Variants in ADAMTS6 observed in about 807,000 individuals in gnomAD.
The protein encoded by ADAMTS6 is A disintegrin and metalloproteinase with thrombospondin motifs 6.
A neutral mutation model predicts 144.3 loss-of-function variants in ADAMTS6; 23 were observed. That is an observed-to-expected ratio of 0.16 (90% CI 0.11 to 0.23). The LOEUF is 0.23. ADAMTS6 is among the 10% of genes least tolerant of loss of function. The probability of loss-of-function intolerance (pLI) is 1.00; values close to 1 mark genes in which losing one functional copy is unlikely to be tolerated. For missense variants in ADAMTS6, 999 were observed against 1,379.6 expected, an observed-to-expected ratio of 0.72 and a Z score of 4.37; for synonymous variants, 444 against 457.5, an observed-to-expected ratio of 0.97 and a Z score of 0.38.
At chr5:65,421,016 A>C (rs559229394) in intron 7 of ADAMTS6, among the ~76,000 whole-genome samples, 16 of 152,236 alleles carry the variant, frequency 1.1e-4, no homozygotes, top group Non-Finnish European at 2.1e-4. Context: ...TTTTTAATCC[A>C]GTCTGCCAAT....
intron 7 of ADAMTS6, among the ~76,000 whole-genome samples, chr5:65,395,154 C>G (rs1032068834): frequency 1.3e-5 from 2 of 152,110 alleles, no homozygotes; most frequent in African/African-American, 4.8e-5. Flanking sequence ...GACACAGAGT[C>G]TGTGTGTGCC....
chr5:65,368,555 T>C (rs1750522673), intron 7 of ADAMTS6, among the ~76,000 whole-genome samples: 1 of 152,192 alleles, frequency 6.6e-6, no homozygotes, highest in African/African-American at 2.4e-5. Flanking sequence ...CTTTTAATTC[T>C]TCTCTTCTTC....
At chr5:65,403,791 A>C (rs939164779) in intron 7 of ADAMTS6, among the ~76,000 whole-genome samples, 12 of 152,186 alleles carry the variant, frequency 7.9e-5, no homozygotes, top group African/African-American at 2.2e-4. Context: ...TCTAGACTCC[A>C]TTATCTTCAT....
chr5:65,285,803 C>T (rs1174576731), intron 11 of ADAMTS6, among the ~76,000 whole-genome samples: 2 of 152,084 alleles, frequency 1.3e-5, no homozygotes, highest in African/African-American at 2.4e-5. Flanking sequence ...TTTACATGAT[C>T]ACACTTAATA....
In ADAMTS6 at chr5:65,473,653, C is replaced by A. The variant is rs1338591117; in HGVS notation, c.21G>T (p.Thr7=). 3 of 1,613,636 alleles carry A rather than the reference C, an allele frequency of 1.9e-6. No individual in the cohort carries two copies. The highest frequency in any genetic ancestry group is 2.5e-6 in the Non-Finnish European group (3 of 1,179,626). MEILWK[T]LTWILSLIMA... ...TGATGAGGCTCAAAATCCAGGTCAACGTCTTCCACAAAATTTCCATAATTT... is the reference window on the plus strand; with the variant it reads ...TGATGAGGCTCAAAATCCAGGTCAAAGTCTTCCACAAAATTTCCATAATTT... The change falls in exon 2 of 25, where the codon ACG becomes ACT. Residue 7 remains threonine, a synonymous_variant. Transcript: ENST00000381055.
chr5:65,327,873 C>A (rs1746319716), intron 9 of ADAMTS6, among the ~76,000 whole-genome samples: 1 of 152,146 alleles, frequency 6.6e-6, no homozygotes, highest in Non-Finnish European at 1.5e-5. Context: ...AGTGTTCACC[C>A]ACTGTATGTT....
chr5:65,236,262 G>C (rs149272674), intron 15 of ADAMTS6, among the ~76,000 whole-genome samples: 37 of 152,218 alleles, frequency 2.4e-4, no homozygotes, highest in African/African-American at 8.2e-4. Flanking sequence ...TACTTTCCAA[G>C]TATACACAGA....
At chr5:65,341,502 TA>T (rs1178652393) in intron 7 of ADAMTS6, among the ~76,000 whole-genome samples, 2 of 150,816 alleles carry the variant, frequency 1.3e-5, no homozygotes, top group African/African-American at 4.9e-5. Flanking sequence ...ATCTCAGAAA[TA>T]AAAAAAAGTG....
chr5:65,414,902 A>C (rs1755371192), intron 7 of ADAMTS6, among the ~76,000 whole-genome samples: 1 of 152,218 alleles, frequency 6.6e-6, no homozygotes, highest in African/African-American at 2.4e-5. Flanking sequence ...CATAGGAGTA[A>C]ATCTTTATGA....
chr5:65,159,968 A>G (rs1483501131), intron 24 of ADAMTS6, among the ~76,000 whole-genome samples: 1 of 152,248 alleles, frequency 6.6e-6, no homozygotes, highest in Non-Finnish European at 1.5e-5. Flanking sequence ...GTGGATGTTC[A>G]CTGTAAAATT....
chr5:65,414,657 G>T (rs1462450977), intron 7 of ADAMTS6, among the ~76,000 whole-genome samples: 2 of 152,138 alleles, frequency 1.3e-5, no homozygotes, highest in African/African-American at 2.4e-5. Flanking sequence ...GAATTTCTGG[G>T]CATTTGAGCT....
intron 18 of ADAMTS6, among the ~76,000 whole-genome samples, chr5:65,221,464 G>T (rs769730215): frequency 5.9e-5 from 9 of 152,084 alleles, no homozygotes; most frequent in Non-Finnish European, 1.3e-4. Context: ...ATAAAAACTA[G>T]AAATAGAAGG....
chr5:65,306,146 G>A (rs1369628995), intron 9 of ADAMTS6, among the ~76,000 whole-genome samples: 2 of 152,310 alleles, frequency 1.3e-5, no homozygotes, highest in Non-Finnish European at 2.9e-5. Context: ...ATGTAAATAT[G>A]TTGATGCTTA....
At chr5:65,439,374 T>G (rs1757700726) in intron 7 of ADAMTS6, among the ~76,000 whole-genome samples, 1 of 152,040 alleles carries the variant, frequency 6.6e-6, no homozygotes, top group South Asian at 2.1e-4. Flanking sequence ...GGACATTAGA[T>G]GAACCAAGGG....
chr5:65,313,848 AC>A (rs1233905346), intron 9 of ADAMTS6, among the ~76,000 whole-genome samples: 1 of 152,092 alleles, frequency 6.6e-6, no homozygotes, highest in Non-Finnish European at 1.5e-5. Flanking sequence ...TTTTAGAGTT[AC>A]ACTTTACAAC....
At chr5:65,160,301 C>G (rs892919504) in intron 24 of ADAMTS6, among the ~76,000 whole-genome samples, 4 of 150,834 alleles carry the variant, frequency 2.7e-5, no homozygotes. Context: ...TGCTCCTTCT[C>G]CGACTTTCTT....
At chr5:65,420,471 C>G (rs1443781252) in intron 7 of ADAMTS6, among the ~76,000 whole-genome samples, 1 of 152,034 alleles carries the variant, frequency 6.6e-6, no homozygotes, top group African/African-American at 2.4e-5. Context: ...AACCTCCGCC[C>G]CCTGGGTTCA....
At chr5:65,328,215 G>A (rs1188932932) in intron 9 of ADAMTS6, among the ~76,000 whole-genome samples, 1 of 151,766 alleles carries the variant, frequency 6.6e-6, no homozygotes, top group Non-Finnish European at 1.5e-5. Flanking sequence ...TAATGCAGCC[G>A]ACTGACCCAA....
At position 65,456,217 on chromosome 5, in the gene ADAMTS6, T is replaced by C. The variant is rs1295937705; in HGVS notation, c.632-3299A>G. 2.0e-5 allele frequency among the ~76,000 whole-genome samples: 3 copies of C among 152,010 alleles called. No homozygotes were observed. The East Asian group carries it at 5.8e-4, about 29-fold the overall frequency. On this transcript the variant is annotated intron_variant, in intron 4 of 24. Coordinates refer to ENST00000381055, the MANE Select transcript of ADAMTS6 (RefSeq NM_197941.4). ...AACTACTATCTTTCTTAGTCTAAAA[T>C]AGAAAACAAGATTGACTTGTTTTGT...
Sources: gnomAD v4.1 joint callset for allele counts (sites outside exome capture counted in the v4.1 genomes callset) on GRCh38, gnomAD v4.1.1 for gene constraint, MANE v1.5 for transcripts, NCBI Gene and HGNC (gene_info 2026-07-23, HGNC 2026-07-21) for gene names.